The following SPO11 variants were observed in gnomAD, a reference collection of about 807,000 sequenced individuals.
SPO11 encodes the protein SPO11 initiator of meiotic double strand breaks, also known as meiotic recombination protein SPO11.
SPO11 carries 49 observed loss-of-function variants against 51.6 expected under a neutral mutation model. The ratio of observed to expected loss-of-function variants is 0.95; its 90% confidence interval spans 0.75 to 1.20. SPO11 has a LOEUF of 1.20. Among genes scored for constraint, SPO11 ranks in the 50% most tolerant of loss-of-function variants. The pLI, the probability that SPO11 is intolerant of heterozygous loss-of-function variation, is 0.00. For synonymous variants in SPO11, 176 were observed against 158.2 expected (o/e 1.11, Z -0.84); for missense variants, 431 against 473.4 (o/e 0.91, Z 0.83).
intron 11 of SPO11, among the ~76,000 whole-genome samples, chr20:57,342,198 T>A (rs1000853131): frequency 1.3e-5 from 2 of 152,196 alleles, no homozygotes; most frequent in South Asian, 2.1e-4. Flanking sequence ...TAAAAGTGTG[T>A]GTGTGTGTGT....
chr20:57,337,705 C>G, intron 8 of SPO11: 1 of 1,282,148 alleles, frequency 7.8e-7, no homozygotes, highest in South Asian at 1.2e-5. Context: ...GTCCTTCAGT[C>G]TGTTTGTATA....
intron 3 of SPO11, 85 bp from the exon 4 acceptor site, chr20:57,333,602 A>G (rs1277517754): frequency 1.3e-6 from 1 of 791,804 alleles, no homozygotes; most frequent in Non-Finnish European, 2.1e-6. Flanking sequence ...GTTAACTAAA[A>G]TTAAGTTAAA....
In SPO11 at chr20:57,333,290, T is replaced by C; in HGVS notation, c.334+14T>C. On this transcript the variant is annotated intron_variant, in intron 3 of 12. Transcript: ENST00000371263. ...CTCAAAAATTTTGTAAGTTAATTGTTCTTAGCTTTTGGTAATAAAGGATAA... is the reference window on the plus strand; with the variant it reads ...CTCAAAAATTTTGTAAGTTAATTGTCCTTAGCTTTTGGTAATAAAGGATAA... 1 of 1,568,890 alleles carries C rather than the reference T, an allele frequency of 6.4e-7. No individual in the cohort carries two copies. The highest frequency in any genetic ancestry group is 8.7e-7 in the Non-Finnish European group (1 of 1,155,028).
At position 57,331,843 on chromosome 20, in the gene SPO11, C is replaced by T; in HGVS notation, c.142C>T (p.Leu48Phe). ...GSRLASSSEVLASIENIIQDI... is the reference protein window; with the variant it reads ...GSRLASSSEVFASIENIIQDI... Reference sequence around the variant, plus strand: ...TGTTTATTGTTTCAGTTCTGAGGTTCTTGCATCTATAGAAAATATTATCCA... The same window carrying T: ...TGTTTATTGTTTCAGTTCTGAGGTTTTTGCATCTATAGAAAATATTATCCA... Residue 48 changes from leucine (L) to phenylalanine (F), a missense_variant, in exon 2 of 13, where the codon CTT becomes TTT. Physicochemically the swap from Leu to Phe is conservative, Grantham distance 22. Coordinates refer to ENST00000371263, the MANE Select transcript of SPO11 (RefSeq NM_012444.3). 5 of 1,580,262 alleles carry T rather than the reference C, an allele frequency of 3.2e-6. No homozygotes were observed. Among genetic ancestry groups the T allele is most frequent in the Non-Finnish European group, 4.3e-6 (5 of 1,163,520 alleles).
At chr20:57,336,874 A>G (rs766541011) in intron 8 of SPO11, among the ~76,000 whole-genome samples, 14 of 152,198 alleles carry the variant, frequency 9.2e-5, no homozygotes, top group Non-Finnish European at 1.3e-4. Flanking sequence ...TAGGCTCTCA[A>G]TGGCCTTAGG....
chr20:57,332,187 T>G (rs115255314), intron 2 of SPO11, among the ~76,000 whole-genome samples: 226 of 152,320 alleles, frequency 1.5e-3, no homozygotes, highest in African/African-American at 5.2e-3. Context: ...CAGAAGAGGT[T>G]AGAATTCCAA....
intron 1 of SPO11, among the ~76,000 whole-genome samples, chr20:57,331,523 A>G (rs553041548): frequency 6.6e-6 from 1 of 152,350 alleles, no homozygotes; most frequent in East Asian, 1.9e-4. Flanking sequence ...TACAGTTGTA[A>G]ATTTAGTCAT....
At position 57,343,830 on chromosome 20, in the gene SPO11, A is replaced by G. The variant is rs6128009; in HGVS notation, c.*370A>G. The G allele has an allele frequency of 6.5e-6, 1 of 154,270 alleles. No individual in the cohort carries two copies. The highest frequency in any genetic ancestry group is 2.4e-5 in the African/African-American group (1 of 41,480). 9.6% of individuals were successfully genotyped at this position (154,270 alleles called of 1,614,324 possible). A position where few individuals can be genotyped will look rare whatever the true frequency, so the allele number is the denominator to read the frequency against. On this transcript the variant is annotated 3_prime_UTR_variant, in exon 13 of 13. Transcript: ENST00000371263. ...TAACGCATAAAGTATCTTACTGGTA[A>G]CAAAAATCATAATGATCTGAATTTG...
At chr20:57,342,507 T>C (rs1445330128) in intron 11 of SPO11, among the ~76,000 whole-genome samples, 1 of 152,180 alleles carries the variant, frequency 6.6e-6, no homozygotes, top group Non-Finnish European at 1.5e-5. Context: ...AAACAAAAAC[T>C]TTAGAATCTT....
rs761756353 is a variant in SPO11, at chr20:57,342,730, T to A, written c.961T>A (p.Leu321Ile). ...TTTTTTTCACCTACTTTTTTCCAGATTAAATGTACCTAAAGATAGTTTGAT... is the reference window on the plus strand; with the variant it reads ...TTTTTTTCACCTACTTTTTTCCAGAATAAATGTACCTAAAGATAGTTTGAT... Reference protein sequence around the residue: ...LGLLPSDLKRLNVPKDSLIPL... With the variant: ...LGLLPSDLKRINVPKDSLIPL... Residue 321 changes from leucine to isoleucine, a missense_variant and splice_region_variant, in exon 12 of 13, where the codon TTA becomes ATA. Transcript: ENST00000371263. The A allele has an allele frequency of 1.2e-6, 2 of 1,604,348 alleles. No homozygotes were observed. The highest frequency in any genetic ancestry group is 4.5e-5 in the East Asian group (2 of 44,774).
chr20:57,338,451 T>C (rs1211354590), intron 9 of SPO11, 76 bp downstream of exon 9: 4 of 1,166,344 alleles, frequency 3.4e-6, no homozygotes, highest in East Asian at 2.5e-5. Context: ...TTCCTCTTTT[T>C]TTTTTTTTCT....
chr20:57,342,548 T>G (rs540668088), intron 11 of SPO11, among the ~76,000 whole-genome samples, 181 bp from the exon 12 acceptor site: 1 of 152,340 alleles, frequency 6.6e-6, no homozygotes, highest in Non-Finnish European at 1.5e-5. Context: ...CACTATGAAC[T>G]TGAAAACTTG....
At chr20:57,343,286 T>C in intron 12 of SPO11, 55 bp from the exon 13 acceptor site, 2 of 1,589,152 alleles carry the variant, frequency 1.3e-6, no homozygotes, top group Admixed American at 1.9e-5. Context: ...TTTGTTGAAT[T>C]GACAGAAATG....
chr20:57,334,141 T>C lies in SPO11; in HGVS notation c.510+46T>C, dbSNP rs201852448. The C allele has an allele frequency of 5.3e-5, 57 of 1,084,660 alleles. No individual in the cohort carries two copies. The Admixed American group carries it at 8.2e-4, about 16-fold the overall frequency. The allele number at this position is 1,084,660 out of a possible 1,614,324, so 67.2% of individuals were successfully genotyped here. A position where few individuals can be genotyped will look rare whatever the true frequency, so the allele number is the denominator to read the frequency against. On this transcript the variant is annotated intron_variant, in intron 5 of 12. Transcript: ENST00000371263. Reference sequence around the variant, plus strand: ...AACATTTTATTTTAAAACAAAATGTTTGTATAAAACATAATTTTTTTTTTT... The same window carrying C: ...AACATTTTATTTTAAAACAAAATGTCTGTATAAAACATAATTTTTTTTTTT...
intron 8 of SPO11, 151 bp from the exon 9 acceptor site, chr20:57,338,125 G>A (rs570456529): frequency 7.2e-5 from 44 of 612,514 alleles, no homozygotes; most frequent in Non-Finnish European, 1.1e-4. Flanking sequence ...GACCTCAGGT[G>A]ATCGATCCCC....
chr20:57,332,671 T>C (rs2066464244), intron 2 of SPO11, among the ~76,000 whole-genome samples: 1 of 152,220 alleles, frequency 6.6e-6, no homozygotes, highest in Non-Finnish European at 1.5e-5. Context: ...ACACCTGACA[T>C]ATCCACCTGG....
intron 11 of SPO11, among the ~76,000 whole-genome samples, chr20:57,341,199 C>G (rs1173428078): frequency 1.3e-5 from 2 of 152,160 alleles, no homozygotes; most frequent in Non-Finnish European, 2.9e-5. Context: ...GTTTATTCAG[C>G]CATTCCCTCA....
chr20:57,330,654 C>T (rs1191249468), intron 1 of SPO11, among the ~76,000 whole-genome samples: 1 of 152,108 alleles, frequency 6.6e-6, no homozygotes, highest in African/African-American at 2.4e-5. Context: ...CTTAAAAATA[C>T]TTTATTTTGT....
At position 57,329,835 on chromosome 20, in the gene SPO11, G is replaced by C. The variant is rs201339461; in HGVS notation, c.-33G>C. 85 of 1,599,566 alleles carry C rather than the reference G, an allele frequency of 5.3e-5. No individual in the cohort carries two copies. In the African/African-American group the frequency reaches 7.9e-4, roughly 15 times the overall value. ...CCCCAAGGGCGCAGCCTAGGACAGGGGCTTCTGGAGCTTCTGGCAGCCGTC... is the reference window on the plus strand; with the variant it reads ...CCCCAAGGGCGCAGCCTAGGACAGGCGCTTCTGGAGCTTCTGGCAGCCGTC... On this transcript the variant is annotated 5_prime_UTR_variant, in exon 1 of 13. Transcript: ENST00000371263.
Sources: allele counts gnomAD v4.1 joint callset (sites outside exome capture counted in the v4.1 genomes callset), GRCh38; gene constraint gnomAD v4.1.1; transcripts MANE v1.5; gene names NCBI Gene and HGNC (gene_info 2026-07-23, HGNC 2026-07-21).